KCNH7: variants seen among roughly 807,000 people sequenced by gnomAD.
KCNH7 encodes the protein voltage-gated inwardly rectifying potassium channel KCNH7.
KCNH7 carries 49 observed loss-of-function variants against 120.8 expected under a neutral mutation model. The observed-to-expected ratio is 0.41, with a 90% CI of 0.32 to 0.51. The LOEUF is 0.51. Among genes scored for constraint, KCNH7 ranks in the 20% least tolerant of loss-of-function variants. The probability of loss-of-function intolerance (pLI) is 0.38; values close to 1 mark genes in which losing one functional copy is unlikely to be tolerated. For missense variants in KCNH7, 1,097 were observed against 1,446.6 expected, an observed-to-expected ratio of 0.76 and a Z score of 3.92; for synonymous variants, 547 against 516.1, an observed-to-expected ratio of 1.06 and a Z score of -0.81.
intron 2 of KCNH7, among the ~76,000 whole-genome samples, chr2:162,610,118 C>G (rs1181056728): frequency 6.6e-6 from 1 of 152,142 alleles, no homozygotes; most frequent in East Asian, 1.9e-4. Flanking sequence ...ACACATTACC[C>G]AAAGTTGGAA....
At chr2:162,652,690 C>G (rs1684607644) in intron 2 of KCNH7, among the ~76,000 whole-genome samples, 1 of 152,172 alleles carries the variant, frequency 6.6e-6, no homozygotes, top group Admixed American at 6.5e-5. Context: ...CAGTTCCTAA[C>G]AGGCCACGGA....
At chr2:162,473,286 AT>A (rs1207252585) in intron 6 of KCNH7, among the ~76,000 whole-genome samples, 6 of 152,152 alleles carry the variant, frequency 3.9e-5, no homozygotes, top group Non-Finnish European at 7.4e-5. Flanking sequence ...GAGAAAAAAA[AT>A]AAATGCCTGA....
At chr2:162,794,881 T>C (rs1399162938) in intron 2 of KCNH7, among the ~76,000 whole-genome samples, 1 of 152,088 alleles carries the variant, frequency 6.6e-6, no homozygotes, top group African/African-American at 2.4e-5. Flanking sequence ...ACATCAATTA[T>C]ATTTCTTGAT....
intron 2 of KCNH7, among the ~76,000 whole-genome samples, chr2:162,713,464 T>C (rs1686998987): frequency 6.6e-6 from 1 of 152,166 alleles, no homozygotes; most frequent in South Asian, 2.1e-4. Context: ...ATGAGGCTTA[T>C]GTTTACACTT....
intron 2 of KCNH7, among the ~76,000 whole-genome samples, chr2:162,601,553 A>T (rs1279605692): frequency 3.3e-5 from 5 of 151,776 alleles, no homozygotes; most frequent in African/African-American, 1.2e-4. Flanking sequence ...CTATAAAATT[A>T]ATCTCTTTAA....
chr2:162,747,123 C>T (rs568747308), intron 2 of KCNH7, among the ~76,000 whole-genome samples: 1 of 152,066 alleles, frequency 6.6e-6, no homozygotes, highest in African/African-American at 2.4e-5. Context: ...CAACTCCAGA[C>T]TGTAGCAGAC....
At chr2:162,748,281 G>A (rs1688385716) in intron 2 of KCNH7, among the ~76,000 whole-genome samples, 1 of 152,126 alleles carries the variant, frequency 6.6e-6, no homozygotes, top group Admixed American at 6.5e-5. Context: ...CTTCACTGTA[G>A]TTTTAAAATT....
intron 2 of KCNH7, among the ~76,000 whole-genome samples, chr2:162,638,774 C>G (rs1284457859): frequency 6.6e-6 from 1 of 152,044 alleles, no homozygotes; most frequent in Non-Finnish European, 1.5e-5. Flanking sequence ...GCATACCAGA[C>G]TAAGGGCAGT....
intron 6 of KCNH7, among the ~76,000 whole-genome samples, chr2:162,446,942 T>C (rs945547329): frequency 1.3e-5 from 2 of 152,116 alleles, no homozygotes; most frequent in African/African-American, 4.8e-5. Flanking sequence ...CATTCAAATT[T>C]TAATTAAGCA....
At chr2:162,451,824 G>T (rs532295390) in intron 6 of KCNH7, among the ~76,000 whole-genome samples, 14 of 151,994 alleles carry the variant, frequency 9.2e-5, no homozygotes, top group Non-Finnish European at 1.9e-4. Context: ...GCTTCTTCAG[G>T]TCAAGGTCTA....
chr2:162,726,408 G>C (rs2105383018), intron 2 of KCNH7, among the ~76,000 whole-genome samples: 1 of 152,080 alleles, frequency 6.6e-6, no homozygotes, highest in East Asian at 1.9e-4. Context: ...TTTAATCTTG[G>C]AGGTTATTAT....
intron 7 of KCNH7, among the ~76,000 whole-genome samples, chr2:162,438,216 G>A (rs576434291): frequency 3.4e-4 from 52 of 152,236 alleles, no homozygotes; most frequent in Non-Finnish European, 5.7e-4. Context: ...AAGTACTAAT[G>A]ACTCTGCTGG....
At chr2:162,805,690 C>T (rs1011248609) in intron 2 of KCNH7, among the ~76,000 whole-genome samples, 7 of 152,048 alleles carry the variant, frequency 4.6e-5, no homozygotes, top group Admixed American at 1.3e-4. Context: ...CCTCAAAGAT[C>T]TAAAAGTAGA....
In KCNH7 at chr2:162,749,231, A is replaced by C. The variant is rs1001674825; in HGVS notation, c.307+87306T>G. On this transcript the variant is annotated intron_variant, in intron 2 of 15. Transcript: ENST00000332142. The stretch of plus-strand genomic sequence containing the variant: ...TCTCTCTCTTTTGCTCTTTCTTTTG[A>C]CTGGAGATCTACCCAGTTAAGACTT... 1.4e-4 allele frequency among the ~76,000 whole-genome samples: 19 copies of C among 133,224 alleles called. 1 individual carries two copies. Among genetic ancestry groups the C allele is most frequent in the Admixed American group, 1.4e-3 (17 of 12,316 alleles). 87.4% of individuals were successfully genotyped at this position (133,224 alleles called of 152,430 possible).
intron 2 of KCNH7, among the ~76,000 whole-genome samples, chr2:162,720,104 C>T (rs1336098252): frequency 6.6e-6 from 1 of 151,936 alleles, no homozygotes; most frequent in Non-Finnish European, 1.5e-5. Context: ...ACACTTCATG[C>T]TGAATCCAAC....
Position 162,528,428 on chromosome 2 carries a change from G to C in KCNH7, c.463+8497C>G, listed in dbSNP as rs574210804. ...ATTATGATCTCACAGGACCCATGTG[G>C]GTGAGTTAAGAATGCTCCACAGATG... On this transcript the variant is annotated intron_variant, in intron 3 of 15. Coordinates refer to ENST00000332142, the MANE Select transcript of KCNH7 (RefSeq NM_033272.4). 9 of 152,086 alleles carry C rather than the reference G, an allele frequency of 5.9e-5. No individual in the cohort carries two copies. The East Asian group carries it at 1.8e-3, about 30-fold the overall frequency. 9.4% of individuals were successfully genotyped at this position (152,086 alleles called of 1,614,324 possible). A position where few individuals can be genotyped will look rare whatever the true frequency, so the allele number is the denominator to read the frequency against.
chr2:162,575,696 T>C (rs938031192), intron 2 of KCNH7, among the ~76,000 whole-genome samples: 11 of 152,122 alleles, frequency 7.2e-5, no homozygotes, highest in Non-Finnish European at 1.5e-4. Context: ...GCCACTATTA[T>C]CTGCTCAGTT....
chr2:162,372,743 C>T (rs1558912130), intron 15 of KCNH7, among the ~76,000 whole-genome samples: 1 of 152,028 alleles, frequency 6.6e-6, no homozygotes, highest in Non-Finnish European at 1.5e-5. Flanking sequence ...TTATTTAAAT[C>T]ATTGTTCTTA....
At chr2:162,482,902 G>A (rs926826646) in intron 6 of KCNH7, among the ~76,000 whole-genome samples, 5 of 152,162 alleles carry the variant, frequency 3.3e-5, no homozygotes, top group East Asian at 3.9e-4. Flanking sequence ...ATCTGTCAAC[G>A]GAATATAATT....
Sources: gnomAD v4.1 joint callset for allele counts (sites outside exome capture counted in the v4.1 genomes callset) on GRCh38, gnomAD v4.1.1 for gene constraint, MANE v1.5 for transcripts, NCBI Gene and HGNC (gene_info 2026-07-23, HGNC 2026-07-21) for gene names.